Variants in MYCBP2 observed in about 807,000 individuals in gnomAD.
MYCBP2 encodes E3 ubiquitin-protein ligase MYCBP2.
Under a neutral mutation model 525.3 loss-of-function variants are expected in MYCBP2, and 120 were observed. The ratio of observed to expected loss-of-function variants is 0.23; its 90% CI spans 0.20 to 0.27. The LOEUF is 0.27. Among genes scored for constraint, MYCBP2 ranks in the 10% least tolerant of loss-of-function variants. The probability of loss-of-function intolerance (pLI) is 1.00; values close to 1 mark genes in which losing one functional copy is unlikely to be tolerated. For synonymous variants in MYCBP2, 1,894 were observed against 1,955.8 expected, an observed-to-expected ratio of 0.97 and a Z score of 0.83; for missense variants, 4,149 against 5,657.1, an observed-to-expected ratio of 0.73 and a Z score of 8.55.
intron 3 of MYCBP2, among the ~76,000 whole-genome samples, chr13:77,287,494 C>T (rs756930658): frequency 1.3e-5 from 2 of 152,062 alleles, no homozygotes; most frequent in Non-Finnish European, 2.9e-5. Flanking sequence ...GCCTACAATA[C>T]ATGCTTCTAT....
At chr13:77,313,689 A>C (rs903465518) in intron 1 of MYCBP2, among the ~76,000 whole-genome samples, 3 of 152,086 alleles carry the variant, frequency 2.0e-5, no homozygotes, top group Non-Finnish European at 4.4e-5. Context: ...CACAGATTGA[A>C]AGAAAATATT....
intron 45 of MYCBP2, 102 bp downstream of exon 45, chr13:77,157,835 C>A: frequency 1.0e-6 from 1 of 982,020 alleles, no homozygotes; most frequent in Non-Finnish European, 1.5e-6. Context: ...ATAAACCAGA[C>A]TTTTTTAAAG....
At chr13:77,294,457 T>C (rs890772994) in intron 2 of MYCBP2, among the ~76,000 whole-genome samples, 3 of 151,886 alleles carry the variant, frequency 2.0e-5, no homozygotes, top group Non-Finnish European at 4.4e-5. Context: ...AAAGAAGATA[T>C]AGAAATACTG....
At chr13:77,164,835 C>T (rs1595050004) in intron 42 of MYCBP2, among the ~76,000 whole-genome samples, 1 of 152,234 alleles carries the variant, frequency 6.6e-6, no homozygotes, top group South Asian at 2.1e-4. Flanking sequence ...AAGATGATAG[C>T]CCCTTTTTGA....
At chr13:77,065,066 CTT>C (rs1461677369) in intron 72 of MYCBP2, among the ~76,000 whole-genome samples, 2 of 152,116 alleles carry the variant, frequency 1.3e-5, no homozygotes, top group Non-Finnish European at 2.9e-5. Context: ...AAGTTTGTCA[CTT>C]AGCATAAAAT....
rs767075663 is a variant in MYCBP2 at position 77,158,021 on chromosome 13, G to C, written c.6686C>G (p.Pro2229Arg). The change falls in exon 45 of 83, where the codon CCA becomes CGA. Residue 2229 changes from proline (P) to arginine (R), a missense_variant. Around this residue, in one of 21 missense-constraint regions of MYCBP2, gnomAD observed 692 missense variants for 852.7 expected, o/e 0.81. Transcript: ENST00000544440. ...CTGTTCATTGCTTTGGATTTGGAGT[G>C]GTAAATTTCCCTCAAGTGCTTCTAA... ...TILEALEGNL[P>R]LQIQSNEQSF... 1.9e-6 allele frequency: 3 copies of C among 1,613,320 alleles called. No homozygotes were observed. The highest frequency in any genetic ancestry group is 3.3e-5 in the Admixed American group (2 of 59,948).
intron 36 of MYCBP2, 139 bp from the exon 37 acceptor site, chr13:77,174,628 G>T: frequency 7.6e-6 from 5 of 654,438 alleles, no homozygotes; most frequent in Non-Finnish European, 1.3e-5. Flanking sequence ...AGTTTTTAAT[G>T]AATCAAACAC....
chr13:77,091,686 T>C (rs899792552), intron 59 of MYCBP2, among the ~76,000 whole-genome samples: 3 of 152,136 alleles, frequency 2.0e-5, no homozygotes, highest in Admixed American at 6.5e-5. Context: ...TCACCCTCAA[T>C]TGAGAACCAC....
chr13:77,211,353 T>A (rs949971384), intron 22 of MYCBP2, 33 bp from the exon 23 acceptor site: 1 of 1,115,040 alleles, frequency 9.0e-7, no homozygotes, highest in Non-Finnish European at 1.1e-6. Flanking sequence ...ATAATTTTAA[T>A]ATATATTACC....
At chr13:77,047,504 T>C (rs2035812937) in intron 82 of MYCBP2, among the ~76,000 whole-genome samples, 2 of 152,112 alleles carry the variant, frequency 1.3e-5, no homozygotes, top group Admixed American at 1.3e-4. Context: ...TGAAAGGAGT[T>C]AGTTTGCCTT....
intron 1 of MYCBP2, among the ~76,000 whole-genome samples, chr13:77,311,301 A>G (rs1462257029): frequency 1.3e-5 from 2 of 152,224 alleles, no homozygotes. Context: ...GAGAATTATA[A>G]TAAACCCTAG....
intron 1 of MYCBP2, among the ~76,000 whole-genome samples, chr13:77,319,988 A>G (rs1403711073): frequency 1.3e-5 from 2 of 152,166 alleles, no homozygotes; most frequent in African/African-American, 2.4e-5. Flanking sequence ...GGGGCAGTGA[A>G]AGACGTAAGA....
intron 23 of MYCBP2, among the ~76,000 whole-genome samples, chr13:77,210,826 A>G (rs2063912390): frequency 6.6e-6 from 1 of 152,230 alleles, no homozygotes; most frequent in Non-Finnish European, 1.5e-5. Flanking sequence ...TGATAATAGC[A>G]AACACTTATA....
intron 14 of MYCBP2, among the ~76,000 whole-genome samples, chr13:77,257,134 G>A (rs1017801239): frequency 1.3e-5 from 2 of 152,086 alleles, no homozygotes; most frequent in Non-Finnish European, 2.9e-5. Flanking sequence ...GCCAGGCACC[G>A]AAAGACCAAC....
intron 77 of MYCBP2, 70 bp downstream of exon 77, chr13:77,059,453 T>C: frequency 8.4e-7 from 1 of 1,185,436 alleles, no homozygotes; most frequent in Non-Finnish European, 1.3e-6. Context: ...CTAAAACTCT[T>C]TTCTGTATGA....
At chr13:77,243,196 A>AACAACAT in intron 16 of MYCBP2, 36 bp from the exon 17 acceptor site, 1 of 1,396,544 alleles carries the variant, frequency 7.2e-7, no homozygotes, top group Non-Finnish European at 1.0e-6. Flanking sequence ...CAACAACAAC[A>AACAACAT]TATATGTTAT....
intron 1 of MYCBP2, among the ~76,000 whole-genome samples, chr13:77,304,077 G>GA (rs956021866): frequency 1.3e-5 from 2 of 152,054 alleles, no homozygotes; most frequent in Non-Finnish European, 2.9e-5. Context: ...GGAGGCTCCT[G>GA]AAAAAACTAA....
At chr13:77,076,679 AAT>A in intron 68 of MYCBP2, 70 bp downstream of exon 68, 1 of 887,004 alleles carries the variant, frequency 1.1e-6, no homozygotes, top group African/African-American at 1.7e-5. Context: ...AATATACAGC[AAT>A]AAATGAATTA....
intron 55 of MYCBP2, among the ~76,000 whole-genome samples, chr13:77,111,381 A>C (rs560768667): frequency 1.1e-4 from 16 of 151,890 alleles, no homozygotes; most frequent in Non-Finnish European, 2.2e-4. Flanking sequence ...AAAACAGAGC[A>C]TAAAAGTAGA....
Sources: gnomAD v4.1 joint callset for allele counts (sites outside exome capture counted in the v4.1 genomes callset) on GRCh38, gnomAD v4.1.1 for gene constraint, gnomAD v4.1.1 regional missense constraint, MANE v1.5 for transcripts, NCBI Gene and HGNC (gene_info 2026-07-23, HGNC 2026-07-21) for gene names.